ORAI3: variants seen among roughly 807,000 people sequenced by gnomAD.
ORAI3 encodes protein orai-3.
A neutral mutation model predicts 17.2 loss-of-function variants in ORAI3; 15 were observed. The observed-to-expected ratio is 0.87, with a 90% CI of 0.58 to 1.34. The LOEUF (loss-of-function observed/expected upper bound fraction) is 1.34. ORAI3 is among the 40% of genes most tolerant of loss of function. The pLI is 0.00. For missense variants in ORAI3, 405 were observed against 396.7 expected (o/e 1.02, Z -0.18); for synonymous variants, 178 against 172.4 (o/e 1.03, Z -0.25).
In ORAI3 at chr16:30,953,221, G is replaced by A. The variant is rs748136757; in HGVS notation, c.265G>A (p.Glu89Lys). The change falls in exon 2 of 2, where the codon GAG becomes AAG. Residue 89 changes from glutamate to lysine, a missense_variant. Physicochemically the swap from Glu to Lys is moderately conservative, Grantham distance 56. Transcript: ENST00000318663. ...MVEVQLESDHEYPPGLLVAFS... is the reference protein window; with the variant it reads ...MVEVQLESDHKYPPGLLVAFS... The stretch of plus-strand genomic sequence containing the variant: ...GGAGGTGCAGCTGGAGAGTGACCAC[G>A]AGTACCCACCAGGCCTGCTGGTGGC... 58 of 1,594,412 alleles carry A rather than the reference G, an allele frequency of 3.6e-5. No homozygotes were observed. The highest frequency in any genetic ancestry group is 3.3e-4 in the Middle Eastern group (2 of 5,976).
chr16:30,949,404 A>T lies in ORAI3; in HGVS notation c.115A>T (p.Met39Leu). The T allele has an allele frequency of 6.2e-7, 1 of 1,600,158 alleles. No individual in the cohort carries two copies. Among genetic ancestry groups the T allele is most frequent in the Non-Finnish European group, 8.5e-7 (1 of 1,174,858 alleles). Reference sequence around the variant, plus strand: ...CGTGCACCGCGGCTACCTGGACCTCATGGGGGCCAGTCAGCACTCGCTGCG... The same window carrying T: ...CGTGCACCGCGGCTACCTGGACCTCTTGGGGGCCAGTCAGCACTCGCTGCG... ...EFVHRGYLDL[M>L]GASQHSLRAL... Residue 39 changes from methionine to leucine, a missense_variant, in exon 1 of 2, where the codon ATG (methionine) becomes TTG (leucine). Met to Leu is a conservative substitution (Grantham distance 15). Coordinates refer to ENST00000318663, the MANE Select transcript of ORAI3 (RefSeq NM_152288.3).
At chr16:30,953,094 G>A in intron 1 of ORAI3, 91 bp from the exon 2 acceptor site, 1 of 1,217,582 alleles carries the variant, frequency 8.2e-7, no homozygotes, top group Non-Finnish European at 1.2e-6. Context: ...AGGTCCTAGG[G>A]ATATGTATCA....
rs2055941352 is a variant in ORAI3 at position 30,954,362 on chromosome 16, C to T, written c.*518C>T. ...CCTCCCAGGTAGTGAGTAGCTGGTA[C>T]TACAGGTGTGTGCTGCCACACCCGA... is the stretch of plus-strand genomic sequence containing the variant. On this transcript the variant is annotated 3_prime_UTR_variant, in exon 2 of 2. Transcript: ENST00000318663. The T allele has an allele frequency of 1.3e-5, 7 of 519,122 alleles. No individual in the cohort carries two copies. The highest frequency in any genetic ancestry group is 2.3e-5 in the South Asian group (1 of 44,140). The allele number at this position is 519,122 out of a possible 1,614,324, so 32.2% of individuals were successfully genotyped here. A position where few individuals can be genotyped will look rare whatever the true frequency, so the allele number is the denominator to read the frequency against.
At position 30,954,416 on chromosome 16, in the gene ORAI3, C is replaced by T; in HGVS notation, c.*572C>T. ...ATTTTTTTGTAGAGACGGGGTTTCGCTGTTCCCAGGCTGGTCTCAAACTCC... is the reference window on the plus strand; with the variant it reads ...ATTTTTTTGTAGAGACGGGGTTTCGTTGTTCCCAGGCTGGTCTCAAACTCC... On this transcript the variant is annotated 3_prime_UTR_variant, in exon 2 of 2. Transcript: ENST00000318663. The T allele has an allele frequency of 3.0e-6, 1 of 334,556 alleles. No individual in the cohort carries two copies. The highest frequency in any genetic ancestry group is 5.5e-6 in the Non-Finnish European group (1 of 180,290). The allele number at this position is 334,556 out of a possible 1,614,324, so 20.7% of individuals were successfully genotyped here.
At position 30,953,808 on chromosome 16, in the gene ORAI3, A is replaced by G; in HGVS notation, c.852A>G (p.Glu284=). The G allele has an allele frequency of 6.2e-7, 1 of 1,612,668 alleles. No homozygotes were observed. The highest frequency in any genetic ancestry group is 8.5e-7 in the Non-Finnish European group (1 of 1,179,486). Reference sequence around the variant, plus strand: ...ACCGCTACAAGCAGGAACTAGAGGAACTGAATCGCCTGCAGGGGGAGCTGC... The same window carrying G: ...ACCGCTACAAGCAGGAACTAGAGGAGCTGAATCGCCTGCAGGGGGAGCTGC... The part of the protein sequence containing the change: ...KTDRYKQELE[E]LNRLQGELQA... The change falls in exon 2 of 2, where the codon GAA becomes GAG. Residue 284 remains glutamate (E), a synonymous_variant. Coordinates refer to ENST00000318663, the MANE Select transcript of ORAI3 (RefSeq NM_152288.3).
rs2055911521 is a variant in ORAI3 at position 30,949,515 on chromosome 16, A to G, written c.226A>G (p.Met76Val). The G allele has an allele frequency of 7.5e-7, 1 of 1,340,748 alleles. No individual in the cohort carries two copies. 83.1% of individuals were successfully genotyped at this position (1,340,748 alleles called of 1,614,324 possible). A position where few individuals can be genotyped will look rare whatever the true frequency, so the allele number is the denominator to read the frequency against. ...RTSALLSGFA[M>V]VAMVEVQLES... is the part of the protein sequence containing the mutation. ...GTCTGCCTTGCTCTCGGGCTTCGCCATGGTGAGGGGCCGGGAGGGGTCACA... is the reference window on the plus strand; with the variant it reads ...GTCTGCCTTGCTCTCGGGCTTCGCCGTGGTGAGGGGCCGGGAGGGGTCACA... Residue 76 changes from methionine to valine, a missense_variant and splice_region_variant, in exon 1 of 2, where the codon ATG (methionine) becomes GTG (valine). By Grantham distance (21) the Met-to-Val change is conservative. Transcript: ENST00000318663.
intron 1 of ORAI3, chr16:30,949,822 T>C: frequency 3.1e-6 from 1 of 323,592 alleles, no homozygotes; most frequent in Non-Finnish European, 5.8e-6. Flanking sequence ...AGATGGAGCC[T>C]GTACCTGGCA....
Sources: gnomAD v4.1 joint callset for allele counts on GRCh38, gnomAD v4.1.1 for gene constraint, MANE v1.5 for transcripts, NCBI Gene and HGNC (gene_info 2026-07-23, HGNC 2026-07-21) for gene names.